TMED10: variants seen among roughly 807,000 people sequenced by gnomAD.
TMED10 encodes the protein transmembrane emp24 domain-containing protein 10.
A neutral mutation model predicts 23.1 loss-of-function variants in TMED10; 7 were observed. That is an observed-to-expected ratio of 0.30 (90% CI 0.17 to 0.57). TMED10 has a LOEUF of 0.57. Ranked by LOEUF, TMED10 falls within the 20% of genes least tolerant of loss-of-function variation. The pLI is 0.91. For missense variants in TMED10, 162 were observed against 274.8 expected (o/e 0.59, Z 2.90); for synonymous variants, 113 against 106.9 (o/e 1.06, Z -0.35).
chr14:75,141,697 A>G (rs193023743), intron 3 of TMED10, among the ~76,000 whole-genome samples: 61 of 152,332 alleles, frequency 4.0e-4, no homozygotes, highest in Middle Eastern at 3.4e-3. Context: ...TGTAAGTACT[A>G]GAAATTTAAT....
At chr14:75,161,523 GAAC>G (rs1219394322) in intron 1 of TMED10, among the ~76,000 whole-genome samples, 1 of 152,090 alleles carries the variant, frequency 6.6e-6, no homozygotes. Context: ...AAGTAACCAC[GAAC>G]AACAATTTAT....
intron 1 of TMED10, among the ~76,000 whole-genome samples, chr14:75,164,824 T>C (rs1180571315): frequency 2.7e-5 from 4 of 149,102 alleles, no homozygotes; most frequent in African/African-American, 9.9e-5. Flanking sequence ...CAAATGGCTA[T>C]TGCATGGAAA....
rs1895688090 is a variant in TMED10, at chr14:75,131,817, A to C, written c.*3068T>G. 1 of 152,238 alleles carries C rather than the reference A, an allele frequency of 6.6e-6. No homozygotes were observed. The highest frequency in any genetic ancestry group is 1.5e-5 in the Non-Finnish European group (1 of 68,036). The allele number at this position is 152,238 out of a possible 1,614,324, so 9.4% of individuals were successfully genotyped here. On this transcript the variant is annotated 3_prime_UTR_variant, in exon 5 of 5. Coordinates refer to ENST00000303575, the MANE Select transcript of TMED10 (RefSeq NM_006827.6). ...ATTAACTTTTAAACCAAAAGCACAA[A>C]ATGTCCCAGTTGATAGTTTCGGCAT...
In TMED10 at chr14:75,176,548, C is replaced by T. The variant is rs781606465; in HGVS notation, c.32G>A (p.Arg11His). Residue 11 changes from arginine (R) to histidine (H), a missense_variant, in exon 1 of 5, where the codon CGC (arginine) becomes CAC (histidine). Physicochemically the swap from Arg to His is conservative, Grantham distance 29. Transcript: ENST00000303575. MSGLSGPPARRGPFPLALLLL... is the reference protein window; with the variant it reads MSGLSGPPARHGPFPLALLLL... Reference sequence around the variant, plus strand: ...CAGCAACGCTAACGGAAAAGGGCCGCGCCGGGCTGGTGGGCCAGACAAACC... The same window carrying T: ...CAGCAACGCTAACGGAAAAGGGCCGTGCCGGGCTGGTGGGCCAGACAAACC... 8 of 1,614,060 alleles carry T rather than the reference C, an allele frequency of 5.0e-6. No individual in the cohort carries two copies. In the African/African-American group the frequency reaches 9.3e-5, roughly 19 times the overall value.
intron 3 of TMED10, 134 bp downstream of exon 3, chr14:75,147,530 A>G (rs1311731799): frequency 3.2e-6 from 3 of 943,078 alleles, no homozygotes; most frequent in East Asian, 2.4e-5. Flanking sequence ...CAGTAAGATC[A>G]TGGCTGGCTG....
chr14:75,168,709 A>G (rs1346773019), intron 1 of TMED10, among the ~76,000 whole-genome samples: 1 of 152,230 alleles, frequency 6.6e-6, no homozygotes. Context: ...ATCTTACTTC[A>G]GATCTAGTCT....
rs547546281 is a variant in TMED10, at chr14:75,135,423, G to A, written c.538+337C>T. On this transcript the variant is annotated intron_variant, in intron 4 of 4. Coordinates refer to ENST00000303575, the MANE Select transcript of TMED10 (RefSeq NM_006827.6). ...CCACCGTACTCCAGCCTGAGCGACA[G>A]AGCGAGACTCCATCTCAAAAATAAG... Among the ~76,000 whole-genome samples the A allele has an allele frequency of 3.9e-5, 6 of 152,320 alleles. No homozygotes were observed. The South Asian group carries it at 1.0e-3, about 26-fold the overall frequency.
chr14:75,164,532 A>AATATAT (rs368412262), intron 1 of TMED10, among the ~76,000 whole-genome samples: 10 of 54,420 alleles, frequency 1.8e-4, no homozygotes, highest in African/African-American at 2.8e-4. Context: ...CACCTGGCCT[A>AATATAT]ATATATATAT....
chr14:75,135,308 C>T (rs1272940771), intron 4 of TMED10, among the ~76,000 whole-genome samples: 2 of 151,972 alleles, frequency 1.3e-5, no homozygotes, highest in East Asian at 3.9e-4. Context: ...GGCATGGTGG[C>T]TTGTGCCTAT....
At position 75,158,920 on chromosome 14, in the gene TMED10, G is replaced by A. The variant is rs529006824; in HGVS notation, c.226-6777C>T. 1.5e-4 allele frequency among the ~76,000 whole-genome samples: 23 copies of A among 152,018 alleles called. 1 individual carries two copies. Among genetic ancestry groups the A allele is most frequent in the Middle Eastern group, 3.4e-3 (1 of 294 alleles). ...GCCTGGGCAACAAGAGTGAAATTCCGTTTCAAAATAAATAAATAAATAAAT... is the reference window on the plus strand; with the variant it reads ...GCCTGGGCAACAAGAGTGAAATTCCATTTCAAAATAAATAAATAAATAAAT... On this transcript the variant is annotated intron_variant, in intron 1 of 4. Coordinates refer to ENST00000303575, the MANE Select transcript of TMED10 (RefSeq NM_006827.6).
At chr14:75,167,078 A>T (rs2139859002) in intron 1 of TMED10, among the ~76,000 whole-genome samples, 1 of 151,520 alleles carries the variant, frequency 6.6e-6, no homozygotes, top group African/African-American at 2.4e-5. Context: ...AGTAGCTGGG[A>T]CCACAGGTGC....
intron 1 of TMED10, among the ~76,000 whole-genome samples, chr14:75,174,033 A>G (rs1025467642): frequency 6.6e-6 from 1 of 152,012 alleles, no homozygotes; most frequent in Non-Finnish European, 1.5e-5. Context: ...GCCCGGCCTA[A>G]AGTCCTGCTG....
chr14:75,165,974 C>CT (rs139923254), intron 1 of TMED10, among the ~76,000 whole-genome samples: 2,531 of 131,252 alleles, frequency 0.019, 83 homozygotes, highest in African/African-American at 0.072. Flanking sequence ...TCATGCTTGA[C>CT]TTGGGGGAGG....
At position 75,147,287 on chromosome 14, in the gene TMED10, C is replaced by T. The variant is rs112818890; in HGVS notation, c.411+377G>A. ...CACTGCAGCCTCTGCCCCCCAGGTT[C>T]CAGCAATTCTCCTGCCTCAGCCTCC... On this transcript the variant is annotated intron_variant, in intron 3 of 4. Transcript: ENST00000303575. Among the ~76,000 whole-genome samples the T allele has an allele frequency of 5.9e-3, 897 of 151,028 alleles. 8 individuals carry two copies. The highest frequency in any genetic ancestry group is 0.021 in the African/African-American group (863 of 41,004).
chr14:75,165,657 C>G lies in TMED10; in HGVS notation c.225+10698G>C, dbSNP rs533889134. Among the ~76,000 whole-genome samples the G allele has an allele frequency of 3.3e-5, 5 of 152,320 alleles. No homozygotes were observed. The East Asian group carries it at 9.6e-4, about 29-fold the overall frequency. On this transcript the variant is annotated intron_variant, in intron 1 of 4. Coordinates refer to ENST00000303575, the MANE Select transcript of TMED10 (RefSeq NM_006827.6). ...TTTTAAACAAAAGCATGTACAAAGT[C>G]TATCAAATATATTCCTGAAATAAAA...
At chr14:75,162,788 G>C (rs1462635280) in intron 1 of TMED10, among the ~76,000 whole-genome samples, 1 of 151,766 alleles carries the variant, frequency 6.6e-6, no homozygotes, top group Non-Finnish European at 1.5e-5. Flanking sequence ...CACTTTATAA[G>C]TGAATCATGG....
At chr14:75,162,182 T>C (rs537600031) in intron 1 of TMED10, among the ~76,000 whole-genome samples, 1 of 152,238 alleles carries the variant, frequency 6.6e-6, no homozygotes, top group East Asian at 1.9e-4. Context: ...TGACAATCAC[T>C]TGAACCCAGG....
At chr14:75,153,777 C>CATTTTTTTTT (rs373665306) in intron 1 of TMED10, among the ~76,000 whole-genome samples, 7 of 131,782 alleles carry the variant, frequency 5.3e-5, no homozygotes. Flanking sequence ...TTTTTTTTCC[C>CATTTTTTTTT]TTTTTTTTTT....
chr14:75,163,130 T>A (rs530260211), intron 1 of TMED10, among the ~76,000 whole-genome samples: 5 of 151,966 alleles, frequency 3.3e-5, no homozygotes, highest in African/African-American at 1.2e-4. Context: ...TGGTCCCAGC[T>A]ACTCAGAAGC....
Sources: allele counts gnomAD v4.1 joint callset (sites outside exome capture counted in the v4.1 genomes callset), GRCh38; gene constraint gnomAD v4.1.1; transcripts MANE v1.5; gene names NCBI Gene and HGNC (gene_info 2026-07-23, HGNC 2026-07-21).